Variants in TRHDE observed in about 807,000 individuals in gnomAD.
TRHDE encodes the protein thyrotropin releasing hormone degrading enzyme, also known as thyrotropin-releasing hormone-degrading ectoenzyme.
In TRHDE, 72 loss-of-function variants were observed where a neutral mutation model predicts 125.7. The observed-to-expected ratio is 0.57, with a 90% CI of 0.47 to 0.70. The LOEUF (loss-of-function observed/expected upper bound fraction) is 0.70, where lower values mean the gene tolerates loss of function less well. Among genes scored for constraint, TRHDE ranks in the 30% least tolerant of loss-of-function variants. The pLI, the probability that TRHDE is intolerant of heterozygous loss-of-function variation, is 0.00. For synonymous variants in TRHDE, 509 were observed against 509.1 expected (o/e 1.00, Z 0.00); for missense variants, 1,110 against 1,327.1 (o/e 0.84, Z 2.54).
intron 1 of TRHDE, among the ~76,000 whole-genome samples, chr12:72,285,488 A>G (rs1879845609): frequency 6.7e-6 from 1 of 148,294 alleles, no homozygotes; most frequent in Non-Finnish European, 1.5e-5. Flanking sequence ...TGTTTTTCTT[A>G]TTTAGAAGAG....
At chr12:72,282,024 A>C (rs1369212678) in intron 1 of TRHDE, among the ~76,000 whole-genome samples, 2 of 152,254 alleles carry the variant, frequency 1.3e-5, no homozygotes, top group African/African-American at 4.8e-5. Flanking sequence ...CATGTATGCT[A>C]TTCACATTTT....
In TRHDE at chr12:72,554,543, C is replaced by T. The variant is rs922612604; in HGVS notation, c.1789-7622C>T. 5.3e-5 allele frequency among the ~76,000 whole-genome samples: 8 copies of T among 152,174 alleles called. No individual in the cohort carries two copies. In the South Asian group the frequency reaches 6.2e-4, roughly 12 times the overall value. ...GTCACCAGCACCGGGGCTGAGAGAG[C>T]GAAGAGGTGGGAGAGGGAACTCTGT... is the stretch of plus-strand genomic sequence containing the variant. On this transcript the variant is annotated intron_variant, in intron 7 of 18. Coordinates refer to ENST00000261180, the MANE Select transcript of TRHDE (RefSeq NM_013381.3).
chr12:72,361,418 A>T (rs917911967), intron 2 of TRHDE, among the ~76,000 whole-genome samples: 3 of 151,894 alleles, frequency 2.0e-5, no homozygotes, highest in African/African-American at 4.8e-5. Flanking sequence ...TGTTGGAAAG[A>T]TGCAATAAAG....
chr12:72,501,109 T>G (rs1296017632), intron 6 of TRHDE, among the ~76,000 whole-genome samples: 3 of 152,074 alleles, frequency 2.0e-5, no homozygotes, highest in African/African-American at 7.2e-5. Flanking sequence ...TTTTTCAGAT[T>G]TATCCCTAAG....
At chr12:72,587,741 A>C (rs1479883749) in intron 12 of TRHDE, among the ~76,000 whole-genome samples, 1 of 152,188 alleles carries the variant, frequency 6.6e-6, no homozygotes, top group Admixed American at 6.5e-5. Context: ...ATTATATACT[A>C]AATAGCTATC....
intron 2 of TRHDE, among the ~76,000 whole-genome samples, chr12:72,214,035 A>G (rs1877837289): frequency 6.6e-6 from 1 of 152,184 alleles, no homozygotes; most frequent in Non-Finnish European, 1.5e-5. Context: ...TTTTTAGGAA[A>G]GTTAAAATTT....
chr12:72,185,147 C>G (rs1877177722), intron 2 of TRHDE, among the ~76,000 whole-genome samples: 1 of 152,222 alleles, frequency 6.6e-6, no homozygotes, highest in South Asian at 2.1e-4. Context: ...GAGCAGCCGG[C>G]CAGCCCTGCT....
At chr12:72,225,272 A>G (rs1878106692) in intron 2 of TRHDE, among the ~76,000 whole-genome samples, 1 of 152,228 alleles carries the variant, frequency 6.6e-6, no homozygotes, top group African/African-American at 2.4e-5. Context: ...TAATTGACTC[A>G]GATAAGGAAT....
chr12:72,183,741 G>A (rs950978432), intron 2 of TRHDE, among the ~76,000 whole-genome samples: 16 of 152,260 alleles, frequency 1.1e-4, no homozygotes, highest in Admixed American at 9.2e-4. Flanking sequence ...AAAGCATACA[G>A]AAGTGGTGCC....
chr12:72,415,610 T>C (rs1165676936), intron 3 of TRHDE, among the ~76,000 whole-genome samples: 1 of 151,880 alleles, frequency 6.6e-6, no homozygotes, highest in Non-Finnish European at 1.5e-5. Flanking sequence ...TTTTTTTTTT[T>C]GGCTCCCACA....
At chr12:72,366,314 G>A (rs981741678) in intron 2 of TRHDE, among the ~76,000 whole-genome samples, 11 of 152,200 alleles carry the variant, frequency 7.2e-5, no homozygotes, top group Non-Finnish European at 1.6e-4. Flanking sequence ...GTTCCTGGAA[G>A]TCCCTGTAAG....
At chr12:72,299,871 A>C (rs1242313662) in intron 2 of TRHDE, among the ~76,000 whole-genome samples, 1 of 152,158 alleles carries the variant, frequency 6.6e-6, no homozygotes, top group Non-Finnish European at 1.5e-5. Flanking sequence ...GGGATGCTAG[A>C]TGTTAAAAAA....
intron 2 of TRHDE, among the ~76,000 whole-genome samples, chr12:72,327,641 T>G (rs1486953006): frequency 1.3e-5 from 2 of 152,146 alleles, no homozygotes; most frequent in Non-Finnish European, 2.9e-5. Context: ...TTTAGGAGAT[T>G]TTTTTAGGAA....
intron 15 of TRHDE, among the ~76,000 whole-genome samples, chr12:72,635,983 T>G (rs1222953127): frequency 6.6e-6 from 1 of 150,980 alleles, no homozygotes; most frequent in Non-Finnish European, 1.5e-5. Context: ...CTTGGCGATG[T>G]GGGCTCTTTT....
At chr12:72,395,748 T>C (rs551928155) in intron 3 of TRHDE, among the ~76,000 whole-genome samples, 1 of 152,206 alleles carries the variant, frequency 6.6e-6, no homozygotes, top group African/African-American at 2.4e-5. Flanking sequence ...TCATGGTATT[T>C]ACTTTAAATT....
chr12:72,401,761 C>T (rs901677968), intron 3 of TRHDE, among the ~76,000 whole-genome samples: 2 of 152,038 alleles, frequency 1.3e-5, no homozygotes, highest in African/African-American at 4.8e-5. Flanking sequence ...GGAACCACGA[C>T]CATTTGGAAA....
intron 2 of TRHDE, among the ~76,000 whole-genome samples, chr12:72,203,447 G>A (rs1213900251): frequency 6.6e-5 from 10 of 152,046 alleles, no homozygotes; most frequent in African/African-American, 2.2e-4. Context: ...CAGCCTGGGC[G>A]ACAGAGCGAG....
intron 2 of TRHDE, among the ~76,000 whole-genome samples, chr12:72,341,994 G>A (rs1233161613): frequency 1.3e-5 from 2 of 151,810 alleles, no homozygotes; most frequent in African/African-American, 4.8e-5. Flanking sequence ...GTATTAGGAA[G>A]GATTGAAATA....
intron 2 of TRHDE, among the ~76,000 whole-genome samples, chr12:72,161,260 C>G (rs1277195001): frequency 1.3e-5 from 2 of 152,018 alleles, no homozygotes; most frequent in Admixed American, 6.6e-5. Context: ...TGGTGAAACC[C>G]TGTCTCTACT....
Sources: gnomAD v4.1 joint callset for allele counts (sites outside exome capture counted in the v4.1 genomes callset) on GRCh38, gnomAD v4.1.1 for gene constraint, MANE v1.5 for transcripts, NCBI Gene and HGNC (gene_info 2026-07-23, HGNC 2026-07-21) for gene names.